SYT16: variants seen among roughly 807,000 people sequenced by gnomAD.
SYT16 encodes the protein synaptotagmin-16.
Under a neutral mutation model 61.4 loss-of-function variants are expected in SYT16, and 42 were observed. The observed-to-expected ratio is 0.68, with a 90% CI of 0.53 to 0.89. SYT16 has a LOEUF of 0.89. SYT16 is among the 40% of genes least tolerant of loss of function. The pLI is 0.00. For synonymous variants in SYT16, 314 were observed against 302.3 expected, an observed-to-expected ratio of 1.04 and a Z score of -0.40; for missense variants, 804 against 807.3, an observed-to-expected ratio of 1.00 and a Z score of 0.05.
chr14:61,949,433 AT>A (rs1295123729), intron 1 of SYT16, among the ~76,000 whole-genome samples: 1 of 152,038 alleles, frequency 6.6e-6, no homozygotes, highest in African/African-American at 2.4e-5. Context: ...AATCTCATAT[AT>A]TTTTTTCTTT....
chr14:62,066,633 A>AT (rs2056071764), intron 3 of SYT16, among the ~76,000 whole-genome samples: 1 of 152,172 alleles, frequency 6.6e-6, no homozygotes, highest in Non-Finnish European at 1.5e-5. Context: ...GATCTTCAGG[A>AT]CCCATCTGTG....
At chr14:61,859,166 A>G (rs182773611) in intron 1 of SYT16, among the ~76,000 whole-genome samples, 198 of 152,060 alleles carry the variant, frequency 1.3e-3, no homozygotes, top group African/African-American at 4.4e-3. Context: ...GCCAGCCCCA[A>G]ATCATTTTCT....
chr14:61,935,511 A>G (rs2049944533), intron 1 of SYT16, among the ~76,000 whole-genome samples: 1 of 152,172 alleles, frequency 6.6e-6, no homozygotes, highest in Admixed American at 6.5e-5. Context: ...CTTTGTAACC[A>G]ATGGGCACCT....
chr14:61,992,385 AT>A (rs2052588478), intron 2 of SYT16, among the ~76,000 whole-genome samples: 1 of 152,114 alleles, frequency 6.6e-6, no homozygotes, highest in South Asian at 2.1e-4. Flanking sequence ...GCGCGGCAGC[AT>A]TATTGCGGAC....
intron 1 of SYT16, among the ~76,000 whole-genome samples, chr14:61,858,120 C>CAAAAAAAAAAAAAAAAAAAAAAA (rs34781118): frequency 5.6e-4 from 24 of 43,200 alleles, no homozygotes; most frequent in Non-Finnish European, 9.4e-4. Context: ...CACAGCTTGG[C>CAAAAAAAAAAAAAAAAAAAAAAA]AAAAAAAAAA....
At chr14:61,988,867 CA>C (rs2052429287) in intron 2 of SYT16, among the ~76,000 whole-genome samples, 2 of 131,092 alleles carry the variant, frequency 1.5e-5, no homozygotes, top group African/African-American at 5.8e-5. Context: ...CTAGTTTCTT[CA>C]CTATCTAATC....
At chr14:61,823,357 G>T (rs955839889) in intron 1 of SYT16, among the ~76,000 whole-genome samples, 2 of 152,056 alleles carry the variant, frequency 1.3e-5, no homozygotes, top group Non-Finnish European at 2.9e-5. Context: ...CTGGAATGCA[G>T]TGTAAAGTTT....
intron 3 of SYT16, among the ~76,000 whole-genome samples, chr14:62,059,809 GAGAT>G (rs1555378150): frequency 7.2e-6 from 1 of 138,862 alleles, no homozygotes; most frequent in Non-Finnish European, 1.6e-5. Flanking sequence ...CACTCAATGT[GAGAT>G]AGAAGGGTTG....
intron 4 of SYT16, among the ~76,000 whole-genome samples, chr14:62,071,145 G>A (rs987256502): frequency 6.6e-6 from 1 of 152,136 alleles, no homozygotes; most frequent in Non-Finnish European, 1.5e-5. Context: ...ATCAGTGGCC[G>A]CTGACAGAGT....
intron 1 of SYT16, among the ~76,000 whole-genome samples, chr14:61,911,686 A>G (rs1197586381): frequency 1.3e-5 from 2 of 152,224 alleles, no homozygotes; most frequent in Non-Finnish European, 2.9e-5. Flanking sequence ...AAAACACCTT[A>G]GCAACAGACT....
chr14:61,934,993 T>C (rs919780668), intron 1 of SYT16, among the ~76,000 whole-genome samples: 1 of 152,242 alleles, frequency 6.6e-6, no homozygotes, highest in Non-Finnish European at 1.5e-5. Context: ...AAAATTTATT[T>C]ATTGCATAAA....
intron 1 of SYT16, among the ~76,000 whole-genome samples, chr14:61,952,523 G>C (rs2050713038): frequency 1.3e-5 from 2 of 152,236 alleles, no homozygotes. Context: ...AAGTGTATGT[G>C]TCTGTGTGTG....
At chr14:61,845,929 T>A (rs923994728) in intron 1 of SYT16, among the ~76,000 whole-genome samples, 1 of 152,226 alleles carries the variant, frequency 6.6e-6, no homozygotes, top group Non-Finnish European at 1.5e-5. Context: ...AATTTCTCCG[T>A]AGACCCATTG....
chr14:61,883,992 C>T (rs1205330891), intron 1 of SYT16, among the ~76,000 whole-genome samples: 1 of 152,176 alleles, frequency 6.6e-6, no homozygotes, highest in Admixed American at 6.5e-5. Flanking sequence ...ATCCGATTAC[C>T]TCCACCTGGT....
intron 1 of SYT16, among the ~76,000 whole-genome samples, chr14:61,866,157 A>G (rs966103261): frequency 6.6e-6 from 1 of 152,162 alleles, no homozygotes; most frequent in African/African-American, 2.4e-5. Flanking sequence ...GTCTGAAAAA[A>G]AAAACTATTA....
chr14:61,830,952 T>C (rs1000873873), intron 1 of SYT16, among the ~76,000 whole-genome samples: 4 of 152,200 alleles, frequency 2.6e-5, no homozygotes, highest in African/African-American at 9.7e-5. Context: ...TGCGGTTCTT[T>C]TGTGGTGTTT....
At chr14:61,854,404 C>T (rs541361822) in intron 1 of SYT16, among the ~76,000 whole-genome samples, 1 of 152,274 alleles carries the variant, frequency 6.6e-6, no homozygotes, top group South Asian at 2.1e-4. Context: ...ACTAACTTTA[C>T]CTAGTTTTAA....
At chr14:62,051,289 C>G (rs2055280275) in intron 3 of SYT16, among the ~76,000 whole-genome samples, 2 of 152,228 alleles carry the variant, frequency 1.3e-5, no homozygotes, top group South Asian at 4.1e-4. Flanking sequence ...GATATAATCT[C>G]CTGGTGTGCT....
At chr14:61,946,867 T>C (rs182926050) in intron 1 of SYT16, among the ~76,000 whole-genome samples, 3 of 152,260 alleles carry the variant, frequency 2.0e-5, no homozygotes, top group Admixed American at 2.0e-4. Flanking sequence ...CATAGAACTG[T>C]CTTTAGCTAT....
Sources: gnomAD v4.1 joint callset for allele counts (sites outside exome capture counted in the v4.1 genomes callset) on GRCh38, gnomAD v4.1.1 for gene constraint, MANE v1.5 for transcripts, NCBI Gene and HGNC (gene_info 2026-07-23, HGNC 2026-07-21) for gene names.